Variants in CEP350 observed in about 807,000 individuals in gnomAD.
CEP350 encodes centrosome-associated protein 350.
CEP350 carries 126 observed loss-of-function variants against 331.8 expected under a neutral mutation model. The observed-to-expected ratio is 0.38, with a 90% CI of 0.33 to 0.44. The LOEUF is 0.44. CEP350 is among the 20% of genes least tolerant of loss of function. CEP350 has a pLI of 1.00. For missense variants in CEP350, 3,406 were observed against 3,634.6 expected, an observed-to-expected ratio of 0.94 and a Z score of 1.62; for synonymous variants, 1,200 against 1,259.5, an observed-to-expected ratio of 0.95 and a Z score of 1.00.
intron 3 of CEP350, among the ~76,000 whole-genome samples, chr1:179,988,938 A>C (rs1652846838): frequency 6.6e-6 from 1 of 152,102 alleles, no homozygotes; most frequent in South Asian, 2.1e-4. Context: ...TGTTTTCTAT[A>C]GTGTAGAAAT....
chr1:180,076,412 A>G lies in CEP350; in HGVS notation c.5767+1191A>G, dbSNP rs145714255. Among the ~76,000 whole-genome samples, 1,213 of 152,322 alleles carry G rather than the reference A, an allele frequency of 8.0e-3. 10 individuals carry two copies. The highest frequency in any genetic ancestry group is 0.023 in the South Asian group (110 of 4,828). The stretch of plus-strand genomic sequence containing the variant: ...GACAGAGTAGGATTAGCACACATTA[A>G]AAAGTTGATAATGTGGTGAATTACC... On this transcript the variant is annotated intron_variant, in intron 28 of 37. Transcript: ENST00000367607.
chr1:180,103,833 C>A lies in CEP350; in HGVS notation c.9189+4848C>A, dbSNP rs542732973. ...CCCTTAGTTAGTCATAGCGCTTGCC[C>A]CTCTTTTAAATCACTATTTGTTACT... On this transcript the variant is annotated intron_variant, in intron 37 of 37. Transcript: ENST00000367607. 5.9e-5 allele frequency among the ~76,000 whole-genome samples: 9 copies of A among 151,568 alleles called. No individual in the cohort carries two copies. In the East Asian group the frequency reaches 1.7e-3, roughly 29 times the overall value.
intron 6 of CEP350, 56 bp downstream of exon 6, chr1:179,997,231 C>G: frequency 6.5e-7 from 1 of 1,535,522 alleles, no homozygotes. Flanking sequence ...TTCTTTCTCC[C>G]TAGGGTGTAT....
chr1:180,041,231 C>G lies in CEP350; in HGVS notation c.4204C>G (p.Arg1402Gly). 2.5e-6 allele frequency: 4 copies of G among 1,588,720 alleles called. No homozygotes were observed. The highest frequency in any genetic ancestry group is 3.4e-6 in the Non-Finnish European group (4 of 1,167,808). The change falls in exon 18 of 38, where the codon CGA becomes GGA. Residue 1402 changes from arginine to glycine, a missense_variant. Transcript: ENST00000367607. ...GAGTCAGAGACAATTAGAAGAAACC[C>G]GAAACAAAGCAGCTCAGGTAACTTA... ...LESQRQLEET[R>G]NKAAQVHAES...
At chr1:180,009,563 C>T (rs921681633) in intron 8 of CEP350, among the ~76,000 whole-genome samples, 2 of 151,968 alleles carry the variant, frequency 1.3e-5, no homozygotes, top group South Asian at 2.1e-4. Flanking sequence ...AACCAATGAC[C>T]GTGTGTAACT....
At chr1:179,990,222 A>T (rs1372494622) in intron 3 of CEP350, among the ~76,000 whole-genome samples, 1 of 152,120 alleles carries the variant, frequency 6.6e-6, no homozygotes, top group African/African-American at 2.4e-5. Flanking sequence ...CTTTGAAAAT[A>T]CTCAACAATT....
At position 179,954,970 on chromosome 1, in the gene CEP350, C is replaced by A. The variant is rs1440861171; in HGVS notation, c.-186C>A. 8.4e-7 allele frequency: 1 copy of A among 1,195,136 alleles called. No individual in the cohort carries two copies. The highest frequency in any genetic ancestry group is 1.1e-6 in the Non-Finnish European group (1 of 925,958). The allele number at this position is 1,195,136 out of a possible 1,614,324, so 74.0% of individuals were successfully genotyped here. A position where few individuals can be genotyped will look rare whatever the true frequency, so the allele number is the denominator to read the frequency against. ...GCAGCCTTTCCGCCTTGTCTTCCTT[C>A]CCAGCGGACCGGCGGATCCCCGGAG... On this transcript the variant is annotated 5_prime_UTR_variant, in exon 1 of 38. Coordinates refer to ENST00000367607, the MANE Select transcript of CEP350 (RefSeq NM_014810.5).
rs1243305871 is a variant in CEP350 at position 180,094,255 on chromosome 1, C to T, written c.8150C>T (p.Thr2717Ile). ...LYAEASEKLC[T>I]PLLDLLTREK... is the part of the protein sequence containing the mutation. ...GCTGAAGCTTCAGAAAAGCTTTGTA[C>T]ACCACTTCTGGATCTTTTAACAAGA... The change falls in exon 34 of 38, where the codon ACA (threonine) becomes ATA (isoleucine). Residue 2717 changes from threonine to isoleucine, a missense_variant. By Grantham distance (89) the Thr-to-Ile change is moderately conservative (BLOSUM62 -1). Coordinates refer to ENST00000367607, the MANE Select transcript of CEP350 (RefSeq NM_014810.5). 1.9e-6 allele frequency: 3 copies of T among 1,613,384 alleles called. No individual in the cohort carries two copies. Among genetic ancestry groups the T allele is most frequent in the Middle Eastern group, 1.6e-4 (1 of 6,062 alleles).
chr1:180,097,264 G>A (rs1221306926), intron 36 of CEP350, among the ~76,000 whole-genome samples: 1 of 152,180 alleles, frequency 6.6e-6, no homozygotes, highest in Non-Finnish European at 1.5e-5. Context: ...TACAACAGTG[G>A]AATTGAATAG....
intron 6 of CEP350, among the ~76,000 whole-genome samples, chr1:179,998,361 T>G (rs1043228553): frequency 1.3e-5 from 2 of 148,346 alleles, no homozygotes; most frequent in Non-Finnish European, 3.0e-5. Flanking sequence ...CAGGCTGGAG[T>G]GCAGTGGCAT....
intron 37 of CEP350, among the ~76,000 whole-genome samples, chr1:180,105,969 C>G (rs1661118307): frequency 6.6e-6 from 1 of 152,148 alleles, no homozygotes. Context: ...AATGAGAAAT[C>G]TTTCTTTCAC....
At chr1:180,045,084 G>A (rs183846491) in intron 21 of CEP350, among the ~76,000 whole-genome samples, 1 of 152,282 alleles carries the variant, frequency 6.6e-6, no homozygotes, top group East Asian at 1.9e-4. Context: ...ACTCACGCCT[G>A]TGATTCCAGC....
intron 1 of CEP350, among the ~76,000 whole-genome samples, chr1:179,974,927 G>T (rs779349934): frequency 6.6e-6 from 1 of 152,022 alleles, no homozygotes; most frequent in African/African-American, 2.4e-5. Flanking sequence ...CGAGTTTCAG[G>T]CTACAGTGAG....
intron 1 of CEP350, chr1:179,969,639 G>A (rs1273918160): frequency 3.1e-6 from 1 of 317,976 alleles, no homozygotes; most frequent in Non-Finnish European, 6.2e-6. Context: ...AGTGATCAGT[G>A]TGTCTGCTTT....
Position 179,987,271 on chromosome 1 carries a change from T to C in CEP350, c.105T>C (p.Ser35=), listed in dbSNP as rs1276238534. The C allele has an allele frequency of 6.4e-6, 10 of 1,565,384 alleles. No homozygotes were observed. The highest frequency in any genetic ancestry group is 8.8e-6 in the Non-Finnish European group (10 of 1,141,502). ...ADITTSWDAL[S]QTKAALRHIE... ...TAACCACATCGTGGGATGCACTTTC[T>C]CAAACCAAGGCTGCTGTAAGTAGTT... The change falls in exon 3 of 38, where the codon TCT becomes TCC. Residue 35 remains serine, a synonymous_variant. Coordinates refer to ENST00000367607, the MANE Select transcript of CEP350 (RefSeq NM_014810.5).
chr1:180,053,111 A>C lies in CEP350; in HGVS notation c.4934A>C (p.His1645Pro). Residue 1645 changes from histidine to proline, a missense_variant, in exon 23 of 38, where the codon CAT becomes CCT. Physicochemically the swap from His to Pro is moderately conservative, Grantham distance 77. This residue lies in a region of CEP350 where 104 missense variants were observed against 143.3 expected (regional missense o/e 0.73). Coordinates refer to ENST00000367607, the MANE Select transcript of CEP350 (RefSeq NM_014810.5). ...AACATGGAAAAGAGAAGAGGTCATC[A>C]TGATGACTCTGATGAAGAAGCTTCT... ...RFNMEKRRGHHDDSDEEASPE... is the reference protein window; with the variant it reads ...RFNMEKRRGHPDDSDEEASPE... 6.2e-7 allele frequency: 1 copy of C among 1,608,072 alleles called. No individual in the cohort carries two copies. The highest frequency in any genetic ancestry group is 8.5e-7 in the Non-Finnish European group (1 of 1,177,310).
chr1:180,026,836 G>T (rs1571887399), intron 14 of CEP350, among the ~76,000 whole-genome samples: 2 of 152,168 alleles, frequency 1.3e-5, no homozygotes, highest in South Asian at 4.1e-4. Flanking sequence ...ACTCCATGCT[G>T]TGTGTATGCC....
At chr1:180,100,177 A>G (rs1264346286) in intron 37 of CEP350, among the ~76,000 whole-genome samples, 2 of 152,232 alleles carry the variant, frequency 1.3e-5, no homozygotes, top group Admixed American at 6.5e-5. Context: ...CTTACGCCTT[A>G]TTTGATCCTC....
chr1:180,062,467 T>C (rs1658282250), intron 26 of CEP350, 101 bp downstream of exon 26: 2 of 1,338,288 alleles, frequency 1.5e-6, no homozygotes, highest in African/African-American at 3.0e-5. Context: ...AGCAGTATGA[T>C]ACAATAATGA....
Sources: gnomAD v4.1 joint callset for allele counts (sites outside exome capture counted in the v4.1 genomes callset) on GRCh38, gnomAD v4.1.1 for gene constraint, gnomAD v4.1.1 regional missense constraint, MANE v1.5 for transcripts, NCBI Gene and HGNC (gene_info 2026-07-23, HGNC 2026-07-21) for gene names.